The following NBPF19 variants were observed in gnomAD, a reference collection of about 807,000 sequenced individuals.
NBPF19 encodes NBPF family member NBPF19.
In NBPF19, 30 loss-of-function variants were observed where a neutral mutation model predicts 45.9. That is an observed-to-expected ratio of 0.65 (90% CI 0.49 to 0.89). NBPF19 has a LOEUF of 0.89. Among genes scored for constraint, NBPF19 ranks in the 40% least tolerant of loss-of-function variants. The probability of loss-of-function intolerance (pLI) is 0.00; values close to 1 mark genes in which losing one functional copy is unlikely to be tolerated. For missense variants in NBPF19, 495 were observed against 471.8 expected, an observed-to-expected ratio of 1.05 and a Z score of -0.46; for synonymous variants, 183 against 181.2, an observed-to-expected ratio of 1.01 and a Z score of -0.08.
At position 149,554,403 on chromosome 1, in the gene NBPF19, A is replaced by G. The variant is rs1452727739; in HGVS notation, c.11289-92A>G. 1.6e-4 allele frequency: 254 copies of G among 1,599,974 alleles called. 12 individuals are homozygous for G. The highest frequency in any genetic ancestry group is 2.1e-4 in the Non-Finnish European group (243 of 1,174,476). ...AATGGATCTATCCTTTTTCTTTTCT[A>G]ACCACTTCCTTATGTGACTTCTGAA... On this transcript the variant is annotated intron_variant, in intron 93 of 93. Transcript: ENST00000651566.
intron 10 of NBPF19, 115 bp downstream of exon 10, chr1:149,488,300 C>A: frequency 3.4e-6 from 2 of 583,464 alleles, no homozygotes; most frequent in South Asian, 2.0e-5. Flanking sequence ...CAGGGAGGAC[C>A]TATAGGCACA....
rs1305485885 is a variant in NBPF19, at chr1:149,477,997, G to A, written c.228G>A (p.Gln76=). 2.7e-6 allele frequency: 4 copies of A among 1,501,346 alleles called. 1 individual carries two copies. In the African/African-American group the frequency reaches 5.5e-5, roughly 21 times the overall value. The allele number at this position is 1,501,346 out of a possible 1,614,324, so 93.0% of individuals were successfully genotyped here. ...AATTTATGCTGAGGAATGAGCGACA[G>A]TTCAAGGAGGAGAAGCTTGCAGAGC... is the stretch of plus-strand genomic sequence containing the variant. ...LIKFMLRNER[Q]FKEEKLAEQL... Residue 76 remains glutamine (Q), a synonymous_variant, in exon 3 of 94, where the codon CAG becomes CAA. Transcript: ENST00000651566.
chr1:149,487,216 G>C lies in NBPF19; in HGVS notation c.989-116G>C, dbSNP rs1318222739. On this transcript the variant is annotated intron_variant, in intron 8 of 93. Transcript: ENST00000651566. ...GGCCTACTGCAATATTTCTCTCAAA[G>C]TCTCCTGTTCTCACACTGACAAGAC... 1,015 of 828,028 alleles carry C rather than the reference G, an allele frequency of 1.2e-3. 37 individuals carry two copies. The African/African-American group carries it at 0.015, about 12-fold the overall frequency. The allele number at this position is 828,028 out of a possible 1,614,324, so 51.3% of individuals were successfully genotyped here. A position where few individuals can be genotyped will look rare whatever the true frequency, so the allele number is the denominator to read the frequency against.
At chr1:149,486,767 TC>T (rs1462370043) in intron 8 of NBPF19, among the ~76,000 whole-genome samples, 4 of 151,158 alleles carry the variant, frequency 2.6e-5, no homozygotes, top group Non-Finnish European at 5.9e-5. Context: ...CTGAGTTTAT[TC>T]CCATTTTCTG....
rs1345264732 is a variant in NBPF19, at chr1:149,554,708, G to A, written c.11502G>A (p.Val3834=). The A allele has an allele frequency of 6.2e-7, 1 of 1,608,216 alleles. No individual in the cohort carries two copies. The highest frequency in any genetic ancestry group is 1.1e-5 in the South Asian group (1 of 90,888). Residue 3834 remains valine, a synonymous_variant, in exon 94 of 94, where the codon GTG becomes GTA. Coordinates refer to ENST00000651566, the MANE Select transcript of NBPF19 (RefSeq NM_001351365.2). ...FTLTVTSLHL[V]FQMLVIFPQ ...TGACGGTGACAAGTCTCCATCTGGT[G>A]TTCCAGATGTTAGTCATATTCCCAC...
In NBPF19 at chr1:149,477,891, C is replaced by A; in HGVS notation, c.176-54C>A. Reference sequence around the variant, plus strand: ...CTGGCTCCTGCCCTGTAGGCAGTGACCACAGCAGCATGTCCAGCCTTCCAC... The same window carrying A: ...CTGGCTCCTGCCCTGTAGGCAGTGAACACAGCAGCATGTCCAGCCTTCCAC... On this transcript the variant is annotated intron_variant, in intron 2 of 93. Transcript: ENST00000651566. The A allele has an allele frequency of 3.3e-6, 3 of 922,474 alleles. No homozygotes were observed. In the South Asian group the frequency reaches 4.0e-5, roughly 12 times the overall value. The allele number at this position is 922,474 out of a possible 1,614,324, so 57.1% of individuals were successfully genotyped here. A position where few individuals can be genotyped will look rare whatever the true frequency, so the allele number is the denominator to read the frequency against.
rs1276897107 is a variant in NBPF19, at chr1:149,554,842, A to G, written c.*104A>G. The G allele has an allele frequency of 2.6e-5, 41 of 1,575,264 alleles. No individual in the cohort carries two copies. Among genetic ancestry groups the G allele is most frequent in the Admixed American group, 3.4e-5 (2 of 58,384 alleles). On this transcript the variant is annotated 3_prime_UTR_variant, in exon 94 of 94. Transcript: ENST00000651566. ...TTCCATTTGGAAGCCCAGACATAGG[A>G]TGGGTCAGTGGGCATGGCTCTTTTC...
In NBPF19 at chr1:149,515,195, T is replaced by C. The variant is rs2086398058; in HGVS notation, c.5323+87T>C. ...CTGCTCCAAGTGGCCATTACTGAGC[T>C]GAGAGATGTCGTTGCCGCAGTGAGG... is the stretch of plus-strand genomic sequence containing the variant. On this transcript the variant is annotated intron_variant, in intron 44 of 93. Transcript: ENST00000651566. 7 of 608,320 alleles carry C rather than the reference T, an allele frequency of 1.2e-5. 1 individual carries two copies. The highest frequency in any genetic ancestry group is 2.0e-5 in the Non-Finnish European group (7 of 351,086). 37.7% of individuals were successfully genotyped at this position (608,320 alleles called of 1,614,324 possible).
Position 149,554,666 on chromosome 1 carries a change from C to T in NBPF19, c.11460C>T (p.Asp3820=), listed in dbSNP as rs1453506857. The T allele has an allele frequency of 1.8e-5, 29 of 1,608,140 alleles. 2 individuals are homozygous for T. The highest frequency in any genetic ancestry group is 2.4e-5 in the Non-Finnish European group (28 of 1,176,722). Residue 3820 remains aspartate (D), a synonymous_variant, in exon 94 of 94, where the codon GAC becomes GAT. Coordinates refer to ENST00000651566, the MANE Select transcript of NBPF19 (RefSeq NM_001351365.2). ...EEHISFALYL[D]NRFFTLTVTS... The stretch of plus-strand genomic sequence containing the variant: ...ATATCAGCTTCGCCCTTTACTTGGA[C>T]AATAGGTTTTTTACTTTGACGGTGA...
intron 61 of NBPF19, among the ~76,000 whole-genome samples, chr1:149,528,934 G>A (rs1481252257): frequency 0.018 from 2,012 of 108,768 alleles, 4 homozygotes; most frequent in African/African-American, 0.032. Context: ...CACTGAGCTC[G>A]TTCTCTCTCT....
At chr1:149,528,945 C>G (rs1385181741) in intron 61 of NBPF19, among the ~76,000 whole-genome samples, 1,996 of 105,738 alleles carry the variant, frequency 0.019, 17 homozygotes, top group Middle Eastern at 0.043. Context: ...TTCTCTCTCT[C>G]TGTGTGTGTG....
In NBPF19 at chr1:149,554,531, A is replaced by T; in HGVS notation, c.11325A>T (p.Glu3775Asp). 4.4e-6 allele frequency: 7 copies of T among 1,608,244 alleles called. No homozygotes were observed. The highest frequency in any genetic ancestry group is 4.5e-5 in the East Asian group (2 of 44,846). ...NSVLMEVEEP[E>D]VLQDSLDGCY... ...TGCTGATGGAAGTGGAAGAGCCTGA[A>T]GTCTTACAGGACTCACTGGATGGAT... Residue 3775 changes from glutamate (E) to aspartate (D), a missense_variant, in exon 94 of 94, where the codon GAA becomes GAT. Transcript: ENST00000651566.
chr1:149,477,905 C>T, intron 2 of NBPF19, 40 bp from the exon 3 acceptor site: 2 of 1,045,164 alleles, frequency 1.9e-6, no homozygotes, highest in Non-Finnish European at 3.0e-6. Flanking sequence ...AGCAGCATGT[C>T]CAGCCTTCCA....
At chr1:149,490,956 C>T (rs1339809937) in intron 13 of NBPF19, among the ~76,000 whole-genome samples, 183 bp from the exon 14 acceptor site, 3 of 130,852 alleles carry the variant, frequency 2.3e-5, no homozygotes, top group Admixed American at 8.2e-5. Context: ...CCATCTGTCT[C>T]TTTCATTCTT....
chr1:149,538,433 C>G (rs1354381721), intron 73 of NBPF19, among the ~76,000 whole-genome samples: 3 of 33,094 alleles, frequency 9.1e-5, no homozygotes, highest in Non-Finnish European at 7.9e-5. Context: ...CTCTCTCTCT[C>G]TCTGTGTGTG....
chr1:149,554,285 GTC>G (rs1236576961), intron 93 of NBPF19, among the ~76,000 whole-genome samples: 4 of 142,054 alleles, frequency 2.8e-5, no homozygotes, highest in Admixed American at 7.2e-5. Context: ...CTCTGTCTCT[GTC>G]TCTCTCTCTC....
chr1:149,488,241 A>G (rs1283278081), intron 10 of NBPF19, 56 bp downstream of exon 10: 2 of 569,618 alleles, frequency 3.5e-6, no homozygotes, highest in South Asian at 4.0e-5. Context: ...GGTTAGGGTC[A>G]TATTCCTACT....
chr1:149,486,686 T>C (rs1325152794), intron 8 of NBPF19, among the ~76,000 whole-genome samples: 6 of 151,468 alleles, frequency 4.0e-5, no homozygotes, highest in Non-Finnish European at 8.9e-5. Flanking sequence ...CATGTCTGTG[T>C]GGTTCTTTAC....
chr1:149,488,185 G>A lies in NBPF19; in HGVS notation c.1213G>A (p.Glu405Lys), dbSNP rs2085727624. The A allele has an allele frequency of 3.1e-6, 2 of 644,216 alleles. No homozygotes were observed. The highest frequency in any genetic ancestry group is 4.7e-5 in the Admixed American group (2 of 42,376). The allele number at this position is 644,216 out of a possible 1,614,324, so 39.9% of individuals were successfully genotyped here. ...QRVGLAIDMD[E>K]IEKYQEVEED... ...TGTTGGCTTGGCTATTGACATGGAT[G>A]GTGAGTACCTTTCTATGAAGGTGAT... is the stretch of plus-strand genomic sequence containing the variant. Residue 405 changes from glutamate (E) to lysine (K), a missense_variant and splice_region_variant, in exon 10 of 94, where the codon GAA becomes AAA. Transcript: ENST00000651566.
Sources: gnomAD v4.1 joint callset for allele counts (sites outside exome capture counted in the v4.1 genomes callset) on GRCh38, gnomAD v4.1.1 for gene constraint, MANE v1.5 for transcripts, NCBI Gene and HGNC (gene_info 2026-07-23, HGNC 2026-07-21) for gene names.